CNBD1: variants seen among roughly 807,000 people sequenced by gnomAD.
CNBD1 encodes cyclic nucleotide binding domain containing 1, also known as cyclic nucleotide-binding domain-containing protein 1.
Under a neutral mutation model 54.4 loss-of-function variants are expected in CNBD1, and 71 were observed. That is an observed-to-expected ratio of 1.30 (90% CI 1.08 to 1.59). CNBD1 has a LOEUF of 1.59. Ranked by LOEUF, CNBD1 falls within the 40% of genes most tolerant of loss-of-function variation. The probability of loss-of-function intolerance (pLI) is 0.00; values close to 1 mark genes in which losing one functional copy is unlikely to be tolerated. For synonymous variants in CNBD1, 182 were observed against 170.7 expected, an observed-to-expected ratio of 1.07 and a Z score of -0.51; for missense variants, 659 against 518.0, an observed-to-expected ratio of 1.27 and a Z score of -2.64.
intron 6 of CNBD1, among the ~76,000 whole-genome samples, chr8:87,273,446 T>G (rs141303721): frequency 2.8e-3 from 428 of 152,108 alleles, no homozygotes; most frequent in African/African-American, 9.6e-3. Context: ...CTGAAGGTTT[T>G]GTTTCTCTGA....
intron 8 of CNBD1, among the ~76,000 whole-genome samples, chr8:87,310,239 C>T (rs1355617944): frequency 6.6e-6 from 1 of 151,946 alleles, no homozygotes; most frequent in Non-Finnish European, 1.5e-5. Flanking sequence ...TGCTATAGTC[C>T]CAGCACTCAG....
rs754695876 is a variant in CNBD1 at position 87,186,672 on chromosome 8, T to C, written c.432-19321T>C. On this transcript the variant is annotated intron_variant, in intron 4 of 10. Transcript: ENST00000518476. ...ACTTATAATTTATTAAAAATTTAAT[T>C]CCTATTTTAAATTTCTTTTTGAATT... 7.0e-4 allele frequency among the ~76,000 whole-genome samples: 106 copies of C among 152,160 alleles called. 1 individual carries two copies. Among genetic ancestry groups the C allele is most frequent in the Non-Finnish European group, 1.2e-3 (81 of 67,934 alleles).
intron 8 of CNBD1, among the ~76,000 whole-genome samples, chr8:87,336,152 G>T (rs1017250187): frequency 2.6e-5 from 4 of 152,068 alleles, no homozygotes; most frequent in Non-Finnish European, 5.9e-5. Flanking sequence ...TTCAACCTTG[G>T]AGAATCTGAT....
At chr8:87,229,552 G>T (rs1337486233) in intron 5 of CNBD1, among the ~76,000 whole-genome samples, 8 of 151,726 alleles carry the variant, frequency 5.3e-5, no homozygotes, top group Non-Finnish European at 1.2e-4. Flanking sequence ...TTAATAATTT[G>T]TCTATAAATT....
At chr8:86,965,764 G>A (rs1808056899) in intron 4 of CNBD1, among the ~76,000 whole-genome samples, 1 of 152,124 alleles carries the variant, frequency 6.6e-6, no homozygotes, top group Non-Finnish European at 1.5e-5. Flanking sequence ...AGCGAAGGGT[G>A]AACAAGATGA....
chr8:87,402,930 A>T (rs917933370), intron 2 of CNBD1, among the ~76,000 whole-genome samples: 1 of 152,082 alleles, frequency 6.6e-6, no homozygotes, highest in Admixed American at 6.6e-5. Context: ...ACACAAGCAT[A>T]CTTAGTAATG....
intron 8 of CNBD1, among the ~76,000 whole-genome samples, chr8:87,328,229 G>T (rs796688665): frequency 1.3e-5 from 2 of 152,000 alleles, no homozygotes; most frequent in Admixed American, 6.6e-5. Context: ...TTACTGAAGA[G>T]GCTATATTTC....
chr8:87,271,085 G>T (rs72666815), intron 6 of CNBD1, among the ~76,000 whole-genome samples: 23 of 151,694 alleles, frequency 1.5e-4, no homozygotes, highest in Non-Finnish European at 2.7e-4. Flanking sequence ...TCTCTCTAAT[G>T]ATTCTCTGTA....
At chr8:87,127,287 G>A (rs1041225335) in intron 4 of CNBD1, among the ~76,000 whole-genome samples, 3 of 152,066 alleles carry the variant, frequency 2.0e-5, no homozygotes, top group Middle Eastern at 3.4e-3. Context: ...TCCAACATAC[G>A]AACACAATAT....
At chr8:86,922,186 C>T (rs955432230) in intron 3 of CNBD1, among the ~76,000 whole-genome samples, 2 of 152,104 alleles carry the variant, frequency 1.3e-5, no homozygotes, top group Non-Finnish European at 2.9e-5. Flanking sequence ...TTAGCTGATA[C>T]TCTAATTGCC....
intron 4 of CNBD1, among the ~76,000 whole-genome samples, chr8:86,962,881 C>A: frequency 6.6e-6 from 1 of 152,090 alleles, no homozygotes; most frequent in Non-Finnish European, 1.5e-5. Flanking sequence ...TTCTGGGTTC[C>A]CTTCCCCTGA....
intron 3 of CNBD1, among the ~76,000 whole-genome samples, chr8:86,927,189 G>C (rs1426974019): frequency 1.3e-5 from 2 of 152,160 alleles, no homozygotes; most frequent in Non-Finnish European, 2.9e-5. Context: ...AGCTGGAAAG[G>C]GGTGTTGGGA....
intron 2 of CNBD1, among the ~76,000 whole-genome samples, chr8:87,427,119 G>A (rs1016108971): frequency 1.3e-5 from 2 of 151,988 alleles, no homozygotes; most frequent in African/African-American, 2.4e-5. Flanking sequence ...AGTTCCCCCT[G>A]TAAAGAGCTA....
At chr8:86,999,164 G>T (rs1042770333) in intron 4 of CNBD1, among the ~76,000 whole-genome samples, 6 of 152,158 alleles carry the variant, frequency 3.9e-5, no homozygotes, top group Admixed American at 3.9e-4. Context: ...GCTTCTTTTT[G>T]CTTTGATTTT....
chr8:86,934,144 C>T (rs1027380933), intron 3 of CNBD1, among the ~76,000 whole-genome samples: 4 of 152,126 alleles, frequency 2.6e-5, no homozygotes, highest in African/African-American at 9.7e-5. Context: ...CCTTCTGTCC[C>T]TGACATATAA....
intron 10 of CNBD1, among the ~76,000 whole-genome samples, chr8:87,369,896 G>A (rs1462705674): frequency 6.6e-6 from 1 of 151,452 alleles, no homozygotes; most frequent in African/African-American, 2.4e-5. Context: ...CCCCACAACA[G>A]TCCCCAGAGT....
chr8:87,340,614 T>C (rs1810046897), intron 8 of CNBD1, among the ~76,000 whole-genome samples: 2 of 152,156 alleles, frequency 1.3e-5, no homozygotes, highest in African/African-American at 4.8e-5. Context: ...GTTGTTTTTT[T>C]TCCTTTTGCT....
intron 6 of CNBD1, among the ~76,000 whole-genome samples, chr8:87,249,085 C>G (rs1343337986): frequency 6.6e-6 from 1 of 152,134 alleles, no homozygotes; most frequent in Non-Finnish European, 1.5e-5. Flanking sequence ...TTATTATGGT[C>G]TCTGTGCAGT....
chr8:86,950,399 A>G lies in CNBD1; in HGVS notation c.431+10645A>G, dbSNP rs553792554. 2.6e-5 allele frequency among the ~76,000 whole-genome samples: 4 copies of G among 152,204 alleles called. No homozygotes were observed. In the East Asian group the frequency reaches 7.7e-4, roughly 29 times the overall value. On this transcript the variant is annotated intron_variant, in intron 4 of 10. Coordinates refer to ENST00000518476, the MANE Select transcript of CNBD1 (RefSeq NM_173538.3). ...CTGCTTTTTAGGTATCAATTAAAACAATTATATGATTTTTGCCCTTCATTC... is the reference window on the plus strand; with the variant it reads ...CTGCTTTTTAGGTATCAATTAAAACGATTATATGATTTTTGCCCTTCATTC...
Sources: gnomAD v4.1 joint callset for allele counts (sites outside exome capture counted in the v4.1 genomes callset) on GRCh38, gnomAD v4.1.1 for gene constraint, MANE v1.5 for transcripts, NCBI Gene and HGNC (gene_info 2026-07-23, HGNC 2026-07-21) for gene names.